ELOVL6: variants seen among roughly 807,000 people sequenced by gnomAD.
ELOVL6 encodes the protein very long chain fatty acid elongase 6.
In ELOVL6, 8 loss-of-function variants were observed where a neutral mutation model predicts 31.7. The ratio of observed to expected loss-of-function variants is 0.25; its 90% CI spans 0.15 to 0.45. The LOEUF is 0.45. Among genes scored for constraint, ELOVL6 ranks in the 20% least tolerant of loss-of-function variants. The pLI is 1.00. For missense variants in ELOVL6, 126 were observed against 326.4 expected, an observed-to-expected ratio of 0.39 and a Z score of 4.73; for synonymous variants, 101 against 117.7, an observed-to-expected ratio of 0.86 and a Z score of 0.92.
At chr4:110,136,506 G>A (rs1246966135) in intron 1 of ELOVL6, among the ~76,000 whole-genome samples, 6 of 152,156 alleles carry the variant, frequency 3.9e-5, no homozygotes, top group African/African-American at 1.4e-4. Context: ...CCTATATTAG[G>A]AGCAATCAGC....
intron 2 of ELOVL6, among the ~76,000 whole-genome samples, chr4:110,062,518 C>A (rs1288376697): frequency 6.6e-6 from 1 of 152,170 alleles, no homozygotes; most frequent in Non-Finnish European, 1.5e-5. Context: ...CGCTTTGGAA[C>A]CAGGTGGTTT....
At chr4:110,070,483 C>A (rs1225199865) in intron 2 of ELOVL6, among the ~76,000 whole-genome samples, 1 of 152,214 alleles carries the variant, frequency 6.6e-6, no homozygotes, top group African/African-American at 2.4e-5. Context: ...ATTATTAGGA[C>A]AGTGACAATT....
At chr4:110,058,245 G>A (rs1755048202) in intron 3 of ELOVL6, among the ~76,000 whole-genome samples, 1 of 152,162 alleles carries the variant, frequency 6.6e-6, no homozygotes, top group Non-Finnish European at 1.5e-5. Flanking sequence ...CCCTGAGACC[G>A]TTTTCATATG....
At chr4:110,151,157 C>T (rs961876684) in intron 1 of ELOVL6, among the ~76,000 whole-genome samples, 1 of 151,402 alleles carries the variant, frequency 6.6e-6, no homozygotes, top group African/African-American at 2.4e-5. Context: ...TTTTTTAATA[C>T]AGGTTGAGTA....
At chr4:110,166,806 C>T (rs1252047316) in intron 1 of ELOVL6, among the ~76,000 whole-genome samples, 1 of 152,054 alleles carries the variant, frequency 6.6e-6, no homozygotes, top group African/African-American at 2.4e-5. Context: ...AAAGTCCCTG[C>T]CTTTTGCTGG....
intron 1 of ELOVL6, among the ~76,000 whole-genome samples, chr4:110,186,336 G>T (rs1165579814): frequency 6.6e-6 from 1 of 152,034 alleles, no homozygotes; most frequent in African/African-American, 2.4e-5. Flanking sequence ...AACTTATTTT[G>T]AGACATCTGA....
intron 2 of ELOVL6, among the ~76,000 whole-genome samples, chr4:110,090,271 C>CT (rs1285152809): frequency 1.3e-5 from 2 of 152,120 alleles, no homozygotes; most frequent in African/African-American, 4.8e-5. Flanking sequence ...AGAAGGGTGA[C>CT]TTTTTTTCTG....
chr4:110,072,596 A>G (rs1290115343), intron 2 of ELOVL6, among the ~76,000 whole-genome samples: 1 of 87,084 alleles, frequency 1.1e-5, no homozygotes, highest in Non-Finnish European at 2.7e-5. Context: ...GCCACCCTCC[A>G]AATGTGCCAC....
intron 2 of ELOVL6, among the ~76,000 whole-genome samples, chr4:110,075,047 G>C (rs1364735135): frequency 6.6e-6 from 1 of 152,150 alleles, no homozygotes; most frequent in African/African-American, 2.4e-5. Context: ...CAACCTCACT[G>C]ATCATTAGAA....
chr4:110,141,512 G>A (rs1180470910), intron 1 of ELOVL6, among the ~76,000 whole-genome samples: 1 of 151,878 alleles, frequency 6.6e-6, no homozygotes, highest in Non-Finnish European at 1.5e-5. Context: ...GGAGATCTAG[G>A]GACCAGGAGG....
intron 1 of ELOVL6, among the ~76,000 whole-genome samples, chr4:110,162,372 G>A (rs1362005858): frequency 1.3e-5 from 2 of 152,134 alleles, no homozygotes; most frequent in East Asian, 3.9e-4. Context: ...TTGAGACAGG[G>A]TCTCAATGTG....
rs1038554255 is a variant in ELOVL6, at chr4:110,198,080, C to G, written c.89+167G>C. The G allele has an allele frequency of 2.6e-5, 15 of 576,370 alleles. 1 individual carries two copies. The highest frequency in any genetic ancestry group is 3.5e-5 in the Non-Finnish European group (11 of 317,826). 35.7% of individuals were successfully genotyped at this position (576,370 alleles called of 1,614,324 possible). On this transcript the variant is annotated intron_variant, in intron 1 of 3. Coordinates refer to ENST00000302274, the MANE Select transcript of ELOVL6 (RefSeq NM_024090.3). Reference sequence around the variant, plus strand: ...CAGACCTCGCGCTTCATGTACCCCCCCCCCCCCAGCGTCTCCTGCACCCGG... The same window carrying G: ...CAGACCTCGCGCTTCATGTACCCCCGCCCCCCCAGCGTCTCCTGCACCCGG...
intron 1 of ELOVL6, among the ~76,000 whole-genome samples, chr4:110,129,483 A>G (rs746984439): frequency 3.9e-5 from 6 of 152,236 alleles, no homozygotes; most frequent in Non-Finnish European, 8.8e-5. Context: ...CTGAATGCCC[A>G]TCCATGATAC....
chr4:110,126,254 G>C (rs1757492254), intron 1 of ELOVL6, among the ~76,000 whole-genome samples: 1 of 152,090 alleles, frequency 6.6e-6, no homozygotes, highest in Admixed American at 6.5e-5. Context: ...ATGTTGCCCA[G>C]GGTAGTCTTG....
intron 2 of ELOVL6, among the ~76,000 whole-genome samples, chr4:110,089,751 G>T (rs1756368149): frequency 6.6e-6 from 1 of 152,196 alleles, no homozygotes. Flanking sequence ...GCAGCTCATT[G>T]TTGCCTCAAG....
At chr4:110,069,321 C>T (rs1460561361) in intron 2 of ELOVL6, among the ~76,000 whole-genome samples, 3 of 147,808 alleles carry the variant, frequency 2.0e-5, no homozygotes, top group Non-Finnish European at 4.5e-5. Context: ...CTTAAGCTAC[C>T]TTTTTTTTTT....
chr4:110,098,076 T>C lies in ELOVL6; in HGVS notation c.221+7421A>G, dbSNP rs113578684. Among the ~76,000 whole-genome samples, 576 of 152,310 alleles carry C rather than the reference T, an allele frequency of 3.8e-3. 6 individuals carry two copies. The highest frequency in any genetic ancestry group is 0.013 in the African/African-American group (551 of 41,572). ...CACAATATCTGACCTGCATCGTATCTGTCTACAAGTTAGAAACATTAACCG... is the reference window on the plus strand; with the variant it reads ...CACAATATCTGACCTGCATCGTATCCGTCTACAAGTTAGAAACATTAACCG... On this transcript the variant is annotated intron_variant, in intron 2 of 3. Transcript: ENST00000302274.
chr4:110,145,676 C>T (rs991592990), intron 1 of ELOVL6, among the ~76,000 whole-genome samples: 2 of 145,320 alleles, frequency 1.4e-5, no homozygotes, highest in Non-Finnish European at 3.0e-5. Context: ...TACCTCACTC[C>T]TTCCTTAGTC....
chr4:110,199,198 G>A (rs1426871670), upstream of ELOVL6: 2 of 152,386 alleles, frequency 1.3e-5, no homozygotes, highest in Non-Finnish European at 2.9e-5. Flanking sequence ...AGCCGGAAGT[G>A]GAAGAAAGGG....
Sources: gnomAD v4.1 joint callset for allele counts (sites outside exome capture counted in the v4.1 genomes callset) on GRCh38, gnomAD v4.1.1 for gene constraint, MANE v1.5 for transcripts, NCBI Gene and HGNC (gene_info 2026-07-23, HGNC 2026-07-21) for gene names.